DUSP11: variants seen among roughly 807,000 people sequenced by gnomAD.
The protein encoded by DUSP11 is dual specificity phosphatase 11, also known as RNA/RNP complex-1-interacting phosphatase.
Under a neutral mutation model 41.4 loss-of-function variants are expected in DUSP11, and 27 were observed. The observed-to-expected ratio is 0.65, with a 90% CI of 0.48 to 0.90. The LOEUF (loss-of-function observed/expected upper bound fraction) is 0.90. Among genes scored for constraint, DUSP11 ranks in the 40% least tolerant of loss-of-function variants. The probability of loss-of-function intolerance (pLI) is 0.00; values close to 1 mark genes in which losing one functional copy is unlikely to be tolerated. For synonymous variants in DUSP11, 188 were observed against 159.3 expected, an observed-to-expected ratio of 1.18 and a Z score of -1.35; for missense variants, 465 against 461.1, an observed-to-expected ratio of 1.01 and a Z score of -0.08.
In DUSP11 at chr2:73,767,267, C is replaced by T. The variant is rs1312114193; in HGVS notation, c.636-60G>A. 4.6e-6 allele frequency: 6 copies of T among 1,300,708 alleles called. No homozygotes were observed. The African/African-American group carries it at 7.4e-5, about 16-fold the overall frequency. The allele number at this position is 1,300,708 out of a possible 1,614,324, so 80.6% of individuals were successfully genotyped here. On this transcript the variant is annotated intron_variant, in intron 5 of 8. Transcript: ENST00000272444. ...CGAAAAGAAAAAAATCAAGTTTTTT[C>T]AAAAAAGGTCCAATTTCAACTTATA...
chr2:73,780,049 A>C, exon 1 of DUSP11: 1 of 1,612,294 alleles, frequency 6.2e-7, no homozygotes, highest in Non-Finnish European at 8.5e-7. Context: ...ATGCCAGGAT[A>C]AGACCCTAAA....
chr2:73,777,996 G>A (rs935137403), intron 2 of DUSP11, among the ~76,000 whole-genome samples: 1 of 151,864 alleles, frequency 6.6e-6, no homozygotes, highest in Non-Finnish European at 1.5e-5. Context: ...TCATGGCGCA[G>A]GCAACTATTA....
chr2:73,776,180 C>T (rs559790155), intron 2 of DUSP11, among the ~76,000 whole-genome samples: 4 of 151,738 alleles, frequency 2.6e-5, no homozygotes, highest in Admixed American at 1.3e-4. Context: ...TTTGGGAGGC[C>T]GAGGCAGGAG....
At position 73,779,305 on chromosome 2, in the gene DUSP11, G is replaced by A. The variant is rs1417534256; in HGVS notation, c.242+569C>T. ...GATAAAATGAAGAGGATTTATTGAG[G>A]TATGAGATGGTGGAGGATGGTCTCA... On this transcript the variant is annotated intron_variant, in intron 1 of 8. Transcript: ENST00000272444. Among the ~76,000 whole-genome samples the A allele has an allele frequency of 2.0e-5, 3 of 152,212 alleles. 1 individual carries two copies. In the South Asian group the frequency reaches 6.2e-4, roughly 32 times the overall value.
At position 73,767,421 on chromosome 2, in the gene DUSP11, T is replaced by C. The variant is rs113408043; in HGVS notation, c.636-214A>G. 1.1e-3 allele frequency: 481 copies of C among 428,222 alleles called. 1 individual carries two copies. The highest frequency in any genetic ancestry group is 9.4e-3 in the African/African-American group (464 of 49,126). 26.5% of individuals were successfully genotyped at this position (428,222 alleles called of 1,614,324 possible). ...GGATGACCCAACTCCAGAAAATCTA[T>C]TTATATATTTATTTACATTAATGTA... On this transcript the variant is annotated intron_variant, in intron 5 of 8. Transcript: ENST00000272444.
At chr2:73,776,465 A>G (rs1420134834) in intron 2 of DUSP11, among the ~76,000 whole-genome samples, 3 of 151,504 alleles carry the variant, frequency 2.0e-5, no homozygotes, top group Non-Finnish European at 4.4e-5. Flanking sequence ...TTAGGTTCAC[A>G]GCAAAACTGA....
chr2:73,766,387 A>C lies in DUSP11; in HGVS notation c.935+31T>G, dbSNP rs376761568. ...AACTATAGTATTAATTTCTATCTCA[A>C]TTCTAGAAAAGGGAAAACAGAGAGA... On this transcript the variant is annotated intron_variant, in intron 8 of 8. Coordinates refer to ENST00000272444, the Ensembl canonical transcript of DUSP11. The C allele has an allele frequency of 4.2e-5, 65 of 1,561,782 alleles. No individual in the cohort carries two copies. In the African/African-American group the frequency reaches 8.2e-4, roughly 20 times the overall value.
chr2:73,769,122 T>A, intron 5 of DUSP11, 143 bp downstream of exon 5: 1 of 622,036 alleles, frequency 1.6e-6, no homozygotes, highest in Non-Finnish European at 2.8e-6. Context: ...AAATTATTAA[T>A]GGTGGTAATC....
At chr2:73,777,658 G>T (rs1273386880) in intron 2 of DUSP11, among the ~76,000 whole-genome samples, 2 of 152,172 alleles carry the variant, frequency 1.3e-5, no homozygotes, top group Non-Finnish European at 2.9e-5. Context: ...GTGGGTAAGG[G>T]TTACAAATTC....
At chr2:73,779,065 C>T (rs1672741337) in intron 1 of DUSP11, among the ~76,000 whole-genome samples, 1 of 152,116 alleles carries the variant, frequency 6.6e-6, no homozygotes, top group South Asian at 2.1e-4. Flanking sequence ...GGAGGAGAAT[C>T]GCTTGAATCC....
chr2:73,771,479 T>A (rs1672571367), intron 4 of DUSP11, among the ~76,000 whole-genome samples: 1 of 152,056 alleles, frequency 6.6e-6, no homozygotes, highest in Non-Finnish European at 1.5e-5. Context: ...TCTTTTATTA[T>A]GATGAACTGT....
chr2:73,766,448 G>T (rs542695914), exon 8 of DUSP11: 1 of 1,613,138 alleles, frequency 6.2e-7, no homozygotes, highest in Non-Finnish European at 8.5e-7. Context: ...TTGGGTCTGG[G>T]TGTGGAAATG....
At chr2:73,778,500 T>C in intron 1 of DUSP11, 124 bp from the exon 2 acceptor site, 1 of 548,834 alleles carries the variant, frequency 1.8e-6, no homozygotes, top group Non-Finnish European at 3.0e-6. Flanking sequence ...CTGCTTTGCA[T>C]TTCGCCACTC....
chr2:73,762,903 A>C (rs752925384), intron 8 of DUSP11, 44 bp from the exon 9 acceptor site: 2 of 835,084 alleles, frequency 2.4e-6, no homozygotes, highest in Admixed American at 6.6e-5. Context: ...TAGGATTAAT[A>C]CAATAATTTT....
intron 5 of DUSP11, 77 bp downstream of exon 5, chr2:73,769,188 T>G (rs1011640812): frequency 2.8e-5 from 37 of 1,328,962 alleles, no homozygotes; most frequent in Non-Finnish European, 3.7e-5. Context: ...CCAGTTCCAT[T>G]TTTTACAACC....
At chr2:73,766,868 G>C in exon 7 of DUSP11, 3 of 1,613,386 alleles carry the variant, frequency 1.9e-6, no homozygotes, top group Non-Finnish European at 2.5e-6. Context: ...ATGTAGTTTT[G>C]TCTTTCTAAG....
intron 4 of DUSP11, among the ~76,000 whole-genome samples, chr2:73,771,108 A>G (rs1207205425): frequency 6.6e-6 from 1 of 152,182 alleles, no homozygotes; most frequent in Non-Finnish European, 1.5e-5. Context: ...TCTCCAAAGC[A>G]CTTATCACCA....
chr2:73,770,933 CAG>C (rs1169529535), intron 4 of DUSP11, among the ~76,000 whole-genome samples: 1 of 152,194 alleles, frequency 6.6e-6, no homozygotes, highest in Non-Finnish European at 1.5e-5. Context: ...AGTCATGCCT[CAG>C]GGACTTTGCA....
intron 5 of DUSP11, chr2:73,768,668 G>C (rs1558533034): frequency 1.0e-6 from 1 of 985,254 alleles, no homozygotes. Flanking sequence ...AAAAGAATAA[G>C]GAGTCTGGCC....
Sources: allele counts gnomAD v4.1 joint callset (sites outside exome capture counted in the v4.1 genomes callset), GRCh38; gene constraint gnomAD v4.1.1; transcripts MANE v1.5; gene names NCBI Gene and HGNC (gene_info 2026-07-23, HGNC 2026-07-21).